ADORA2B: variants seen among roughly 807,000 people sequenced by gnomAD.
ADORA2B encodes the protein adenosine A2b receptor.
In ADORA2B, 18 loss-of-function variants were observed where a neutral mutation model predicts 20.8. That is an observed-to-expected ratio of 0.87 (90% CI 0.60 to 1.29). The LOEUF (loss-of-function observed/expected upper bound fraction) is 1.29. Ranked by LOEUF, ADORA2B falls within the 50% of genes most tolerant of loss-of-function variation. The pLI, the probability that ADORA2B is intolerant of heterozygous loss-of-function variation, is 0.00. For missense variants in ADORA2B, 441 were observed against 422.7 expected (o/e 1.04, Z -0.38); for synonymous variants, 179 against 178.3 (o/e 1.00, Z -0.03).
the ADORA2B span, among the ~76,000 whole-genome samples, chr17:15,907,359 G>A: frequency 6.6e-6 from 1 of 152,134 alleles, no homozygotes. Context: ...TGTTGAATCA[G>A]GGGACCATTG....
At chr17:15,909,326 A>G in the ADORA2B span, among the ~76,000 whole-genome samples, 2 of 152,196 alleles carry the variant, frequency 1.3e-5, no homozygotes, top group East Asian at 1.9e-4. Flanking sequence ...CTGGAAACAC[A>G]TGGGCCCTGC....
At chr17:15,914,827 A>G in the ADORA2B span, among the ~76,000 whole-genome samples, 3 of 152,186 alleles carry the variant, frequency 2.0e-5, no homozygotes, top group Admixed American at 6.5e-5. Flanking sequence ...CTTGATGGCA[A>G]CTGACACAGG....
the ADORA2B span, among the ~76,000 whole-genome samples, chr17:15,876,188 T>A: frequency 6.6e-6 from 1 of 152,256 alleles, no homozygotes; most frequent in Non-Finnish European, 1.5e-5. Context: ...TGTTTTACCC[T>A]AATGCTTGAT....
At chr17:15,945,052 G>A (rs977493291), upstream of ADORA2B, 12 of 362,456 alleles carry the variant, frequency 3.3e-5, no homozygotes, top group Non-Finnish European at 5.2e-5. Context: ...GGGCGCGCGG[G>A]CCAATGGGTG....
chr17:15,887,091 T>C, the ADORA2B span, among the ~76,000 whole-genome samples: 2 of 130,244 alleles, frequency 1.5e-5, no homozygotes, highest in African/African-American at 3.2e-5. Flanking sequence ...GTAAGAAAGA[T>C]AGGGCCCAGC....
chr17:15,909,392 C>T, the ADORA2B span, among the ~76,000 whole-genome samples: 1 of 152,202 alleles, frequency 6.6e-6, no homozygotes, highest in Non-Finnish European at 1.5e-5. Flanking sequence ...AACTTGATAA[C>T]ATTTTTAGCT....
At chr17:15,943,411 C>T (rs570743616), upstream of ADORA2B, among the ~76,000 whole-genome samples, 18 of 152,288 alleles carry the variant, frequency 1.2e-4, no homozygotes, top group African/African-American at 3.1e-4. Flanking sequence ...ACTGCAGCCT[C>T]GAACCCCTGG....
rs1228368904 is a variant in ADORA2B, at chr17:15,945,148, C to T, written c.-101C>T. On this transcript the variant is annotated 5_prime_UTR_variant, in exon 1 of 2. Coordinates refer to ENST00000304222, the MANE Select transcript of ADORA2B (RefSeq NM_000676.4). ...GAGGCTCAGAAGCGGCAGGCGGAGG[C>T]GCGGTCCGGGCGCTATGGCCATGCC... The T allele has an allele frequency of 2.8e-6, 3 of 1,054,100 alleles. No individual in the cohort carries two copies. The highest frequency in any genetic ancestry group is 2.5e-6 in the Non-Finnish European group (2 of 810,994). The allele number at this position is 1,054,100 out of a possible 1,614,324, so 65.3% of individuals were successfully genotyped here. A position where few individuals can be genotyped will look rare whatever the true frequency, so the allele number is the denominator to read the frequency against.
chr17:15,855,294 A>G, the ADORA2B span, among the ~76,000 whole-genome samples: 15 of 151,894 alleles, frequency 9.9e-5, no homozygotes, highest in Non-Finnish European at 1.8e-4. Flanking sequence ...TATCAGTGCC[A>G]TTTTATAGAT....
At chr17:15,854,731 C>T in the ADORA2B span, among the ~76,000 whole-genome samples, 4 of 152,162 alleles carry the variant, frequency 2.6e-5, no homozygotes, top group Non-Finnish European at 4.4e-5. Context: ...CTTTGGAAAA[C>T]CTCACAATGG....
chr17:15,958,386 C>T (rs980557003), intron 1 of ADORA2B, among the ~76,000 whole-genome samples: 2 of 152,236 alleles, frequency 1.3e-5, no homozygotes, highest in Non-Finnish European at 2.9e-5. Context: ...TGCCCCATTC[C>T]AGGGCAGCAT....
the ADORA2B span, among the ~76,000 whole-genome samples, chr17:15,899,509 A>G: frequency 6.6e-6 from 1 of 152,200 alleles, no homozygotes; most frequent in Non-Finnish European, 1.5e-5. Flanking sequence ...GGTATATGGC[A>G]TGCTGCTGAG....
the ADORA2B span, among the ~76,000 whole-genome samples, chr17:15,864,883 T>C: frequency 1.3e-5 from 2 of 151,804 alleles, no homozygotes; most frequent in East Asian, 3.8e-4. Context: ...CTGTTTTCTT[T>C]GCGTGACTGT....
At chr17:15,957,075 C>T (rs573338468) in intron 1 of ADORA2B, among the ~76,000 whole-genome samples, 2 of 152,248 alleles carry the variant, frequency 1.3e-5, no homozygotes, top group Admixed American at 1.3e-4. Context: ...ATAGGGTAGC[C>T]ACTTGGCATC....
At chr17:15,953,179 G>A (rs753737822) in intron 1 of ADORA2B, among the ~76,000 whole-genome samples, 31 of 152,318 alleles carry the variant, frequency 2.0e-4, no homozygotes, top group Non-Finnish European at 3.2e-4. Flanking sequence ...CTTCGCACCC[G>A]TGAGTGGGCA....
chr17:15,943,247 T>C (rs1969760444), upstream of ADORA2B, among the ~76,000 whole-genome samples: 1 of 152,254 alleles, frequency 6.6e-6, no homozygotes, highest in African/African-American at 2.4e-5. Context: ...GTGTGTGTTT[T>C]TGACATTTTG....
chr17:15,953,743 A>AT lies in ADORA2B; in HGVS notation c.335+8160_335+8161insT, dbSNP rs1969934460. On this transcript the variant is annotated intron_variant, in intron 1 of 1. Coordinates refer to ENST00000304222, the MANE Select transcript of ADORA2B (RefSeq NM_000676.4). ...CCTGGTTTCTGTGAGCCGCGCTGTT[A>AT]CTGTGAGCGCGCTGCCTCTCAGGAA... is the stretch of plus-strand genomic sequence containing the variant. 1.3e-5 allele frequency among the ~76,000 whole-genome samples: 2 copies of AT among 152,126 alleles called. 1 individual carries two copies. Among genetic ancestry groups the AT allele is most frequent in the Admixed American group, 1.3e-4 (2 of 15,276 alleles).
chr17:15,904,486 C>T, the ADORA2B span, among the ~76,000 whole-genome samples: 23 of 149,552 alleles, frequency 1.5e-4, no homozygotes, highest in African/African-American at 5.4e-4. Context: ...CTCCCGGGTT[C>T]ATGCCATTCT....
the ADORA2B span, among the ~76,000 whole-genome samples, chr17:15,903,531 C>G: frequency 1.3e-5 from 2 of 152,154 alleles, no homozygotes. Context: ...GACCCTCCCC[C>G]CAAGCACCTA....
Sources: allele counts gnomAD v4.1 joint callset (sites outside exome capture counted in the v4.1 genomes callset), GRCh38; gene constraint gnomAD v4.1.1; transcripts MANE v1.5; gene names NCBI Gene and HGNC (gene_info 2026-07-23, HGNC 2026-07-21).